The following FBXL7 variants were observed in gnomAD, a reference collection of about 807,000 sequenced individuals.
FBXL7 encodes the protein F-box and leucine rich repeat protein 7.
In FBXL7, 12 loss-of-function variants were observed where a neutral mutation model predicts 38.3. The ratio of observed to expected loss-of-function variants is 0.31; its 90% CI spans 0.20 to 0.51. The LOEUF (loss-of-function observed/expected upper bound fraction) is 0.51, where lower values mean the gene tolerates loss of function less well. Among genes scored for constraint, FBXL7 ranks in the 20% least tolerant of loss-of-function variants. The probability of loss-of-function intolerance (pLI) is 0.98; values close to 1 mark genes in which losing one functional copy is unlikely to be tolerated. For synonymous variants in FBXL7, 297 were observed against 300.9 expected, an observed-to-expected ratio of 0.99 and a Z score of 0.13; for missense variants, 567 against 676.4, an observed-to-expected ratio of 0.84 and a Z score of 1.79.
intron 2 of FBXL7, among the ~76,000 whole-genome samples, chr5:15,687,401 T>C (rs945309449): frequency 5.9e-5 from 9 of 152,306 alleles, no homozygotes; most frequent in Middle Eastern, 3.4e-3. Context: ...CACTCCCCAC[T>C]TAGAACCTGC....
intron 1 of FBXL7, chr5:15,501,835 A>G: frequency 7.5e-6 from 6 of 796,750 alleles, no homozygotes; most frequent in Non-Finnish European, 9.1e-6. Flanking sequence ...TTTCCAGATC[A>G]TCATGTTTTG....
chr5:15,927,259 G>C (rs1741899656), intron 2 of FBXL7, among the ~76,000 whole-genome samples: 1 of 152,210 alleles, frequency 6.6e-6, no homozygotes, highest in African/African-American at 2.4e-5. Flanking sequence ...CGTTGCAAGG[G>C]GGACAGAGCC....
chr5:15,704,647 T>C (rs984890821), intron 2 of FBXL7, among the ~76,000 whole-genome samples: 1 of 152,250 alleles, frequency 6.6e-6, no homozygotes, highest in Admixed American at 6.5e-5. Context: ...CATTCTTTTG[T>C]TGGAGTTAAA....
intron 2 of FBXL7, among the ~76,000 whole-genome samples, chr5:15,774,653 A>G (rs1352848764): frequency 1.3e-5 from 2 of 152,250 alleles, no homozygotes; most frequent in African/African-American, 4.8e-5. Context: ...TAATGAAACC[A>G]TATTAACCTG....
chr5:15,669,506 G>A (rs1048873014), intron 2 of FBXL7, among the ~76,000 whole-genome samples: 1 of 152,066 alleles, frequency 6.6e-6, no homozygotes, highest in Admixed American at 6.6e-5. Context: ...ACGTTTTTAG[G>A]CTCTGTGACT....
At chr5:15,686,535 GT>G (rs577943812) in intron 2 of FBXL7, among the ~76,000 whole-genome samples, 385 of 152,236 alleles carry the variant, frequency 2.5e-3, no homozygotes, top group Middle Eastern at 0.01. Flanking sequence ...CTCTACTTGT[GT>G]TCCTTCTTAT....
chr5:15,566,871 T>C (rs1303752099), intron 1 of FBXL7, among the ~76,000 whole-genome samples: 1 of 152,146 alleles, frequency 6.6e-6, no homozygotes, highest in Non-Finnish European at 1.5e-5. Flanking sequence ...TGAAATAAAA[T>C]GTTGCATTTG....
chr5:15,640,369 G>C (rs1741320004), intron 2 of FBXL7, among the ~76,000 whole-genome samples: 1 of 152,056 alleles, frequency 6.6e-6, no homozygotes, highest in Non-Finnish European at 1.5e-5. Flanking sequence ...CTGCATGTCT[G>C]TGTTTCTGCA....
rs1162375654 is a variant in FBXL7 at position 15,693,983 on chromosome 5, G to A, written c.127+77911G>A. 2.6e-5 allele frequency among the ~76,000 whole-genome samples: 4 copies of A among 152,136 alleles called. No homozygotes were observed. The East Asian group carries it at 5.8e-4, about 22-fold the overall frequency. On this transcript the variant is annotated intron_variant, in intron 2 of 3. Coordinates refer to ENST00000504595, the MANE Select transcript of FBXL7 (RefSeq NM_012304.5). ...CCCAGGATACTGAAAGCCCTCTGTC[G>A]TTACAATAAGGCAGAGAGCCTAATT...
intron 1 of FBXL7, among the ~76,000 whole-genome samples, chr5:15,518,342 A>G (rs1737002992): frequency 6.6e-6 from 1 of 152,138 alleles, no homozygotes; most frequent in Admixed American, 6.6e-5. Flanking sequence ...AAGTGAAGGT[A>G]CCATTTTCCT....
At chr5:15,834,043 T>C (rs546019826) in intron 2 of FBXL7, among the ~76,000 whole-genome samples, 47 of 152,350 alleles carry the variant, frequency 3.1e-4, no homozygotes, top group Middle Eastern at 6.8e-3. Flanking sequence ...TGTTGAACTA[T>C]AGAGCCATCT....
intron 2 of FBXL7, among the ~76,000 whole-genome samples, chr5:15,920,021 G>A (rs1202200198): frequency 2.0e-5 from 3 of 152,202 alleles, no homozygotes; most frequent in African/African-American, 7.2e-5. Context: ...GACTTTGGGA[G>A]GCTGATGTGG....
intron 1 of FBXL7, among the ~76,000 whole-genome samples, chr5:15,558,414 C>T (rs1254035489): frequency 1.3e-5 from 2 of 152,196 alleles, no homozygotes; most frequent in African/African-American, 4.8e-5. Flanking sequence ...GAGCACAGGG[C>T]ATGGATTCTG....
intron 2 of FBXL7, among the ~76,000 whole-genome samples, chr5:15,685,349 T>C (rs1423803228): frequency 6.6e-6 from 1 of 152,178 alleles, no homozygotes; most frequent in Non-Finnish European, 1.5e-5. Flanking sequence ...AATAAAGGAC[T>C]TGGAAGCAAC....
chr5:15,825,071 A>G (rs1053063059), intron 2 of FBXL7, among the ~76,000 whole-genome samples: 1 of 152,226 alleles, frequency 6.6e-6, no homozygotes, highest in Non-Finnish European at 1.5e-5. Flanking sequence ...TTTTATTTTA[A>G]GCCAAAGTAA....
At chr5:15,852,734 T>C (rs1367793250) in intron 2 of FBXL7, among the ~76,000 whole-genome samples, 1 of 152,148 alleles carries the variant, frequency 6.6e-6, no homozygotes, top group African/African-American at 2.4e-5. Flanking sequence ...CCTCTTTGCT[T>C]CATGAATTTG....
At chr5:15,500,872 G>A (rs558316739) in intron 1 of FBXL7, among the ~76,000 whole-genome samples, 159 bp downstream of exon 1, 124 of 152,298 alleles carry the variant, frequency 8.1e-4, no homozygotes, top group African/African-American at 3.0e-3. Flanking sequence ...TGAGTGACCA[G>A]TGAGTAGGTC....
At chr5:15,736,850 A>G (rs1735771371) in intron 2 of FBXL7, among the ~76,000 whole-genome samples, 1 of 152,178 alleles carries the variant, frequency 6.6e-6, no homozygotes, top group African/African-American at 2.4e-5. Flanking sequence ...AGTTGCAGAT[A>G]ATAGGGAACC....
At chr5:15,651,543 G>A (rs1450597499) in intron 2 of FBXL7, among the ~76,000 whole-genome samples, 1 of 152,206 alleles carries the variant, frequency 6.6e-6, no homozygotes, top group Non-Finnish European at 1.5e-5. Context: ...CATTGTCAGT[G>A]AACGGTAATA....
Sources: allele counts gnomAD v4.1 joint callset (sites outside exome capture counted in the v4.1 genomes callset), GRCh38; gene constraint gnomAD v4.1.1; transcripts MANE v1.5; gene names NCBI Gene and HGNC (gene_info 2026-07-23, HGNC 2026-07-21).